The following NPAS3 variants were observed in gnomAD, a reference collection of about 807,000 sequenced individuals.
The protein encoded by NPAS3 is neuronal PAS domain-containing protein 3.
A neutral mutation model predicts 73.1 loss-of-function variants in NPAS3; 14 were observed. That is an observed-to-expected ratio of 0.19 (90% CI 0.13 to 0.30). NPAS3 has a LOEUF of 0.30. Ranked by LOEUF, NPAS3 falls within the 10% of genes least tolerant of loss-of-function variation. The probability of loss-of-function intolerance (pLI) is 1.00; values close to 1 mark genes in which losing one functional copy is unlikely to be tolerated. For synonymous variants in NPAS3, 620 were observed against 541.5 expected (o/e 1.14, Z -2.01); for missense variants, 1,096 against 1,250.0 (o/e 0.88, Z 1.86).
At chr14:33,123,084 CATTTT>C (rs1258938824) in intron 2 of NPAS3, among the ~76,000 whole-genome samples, 3 of 147,038 alleles carry the variant, frequency 2.0e-5, no homozygotes, top group East Asian at 2.0e-4. Context: ...TTTTAAACAA[CATTTT>C]ATTTTATTTA....
At chr14:32,939,410 CCCGCCG>C in intron 1 of NPAS3, 44 bp downstream of exon 1, 1 of 592,268 alleles carries the variant, frequency 1.7e-6, no homozygotes, top group Non-Finnish European at 3.0e-6. Flanking sequence ...GGCCGCTGCT[CCCGCCG>C]CCGCCGCCTC....
intron 2 of NPAS3, among the ~76,000 whole-genome samples, chr14:33,110,630 T>C (rs1238936954): frequency 2.0e-5 from 3 of 152,188 alleles, no homozygotes; most frequent in Non-Finnish European, 4.4e-5. Context: ...TTACTTTGCA[T>C]CATTAAAAAA....
At chr14:32,945,476 T>C (rs2036212440) in intron 1 of NPAS3, among the ~76,000 whole-genome samples, 1 of 152,196 alleles carries the variant, frequency 6.6e-6, no homozygotes, top group African/African-American at 2.4e-5. Flanking sequence ...GAAGTGCTAA[T>C]ATCCCCATTT....
intron 1 of NPAS3, among the ~76,000 whole-genome samples, chr14:32,982,314 C>A (rs954504571): frequency 1.3e-5 from 2 of 152,202 alleles, no homozygotes; most frequent in Non-Finnish European, 2.9e-5. Flanking sequence ...TTAGGCCCCA[C>A]CTCCCAACAC....
At chr14:33,270,616 A>G (rs1389748902) in intron 3 of NPAS3, among the ~76,000 whole-genome samples, 2 of 152,202 alleles carry the variant, frequency 1.3e-5, no homozygotes, top group African/African-American at 4.8e-5. Flanking sequence ...TTTAGAATTC[A>G]CCAGAAGAGG....
intron 2 of NPAS3, among the ~76,000 whole-genome samples, chr14:33,129,021 A>C (rs527896088): frequency 6.6e-6 from 1 of 152,014 alleles, no homozygotes; most frequent in East Asian, 1.9e-4. Flanking sequence ...TTTCCACAGG[A>C]TTTTTTTCCA....
At chr14:32,983,489 T>C (rs2037979723) in intron 1 of NPAS3, among the ~76,000 whole-genome samples, 1 of 152,142 alleles carries the variant, frequency 6.6e-6, no homozygotes, top group Non-Finnish European at 1.5e-5. Context: ...TTTCCACTCA[T>C]TTTTGTTCCT....
intron 2 of NPAS3, among the ~76,000 whole-genome samples, chr14:33,120,883 C>CTT (rs1274032676): frequency 6.6e-6 from 1 of 152,062 alleles, no homozygotes; most frequent in African/African-American, 2.4e-5. Context: ...CGCCTTAGCA[C>CTT]TATTTTCATT....
intron 2 of NPAS3, among the ~76,000 whole-genome samples, chr14:33,057,981 C>T (rs954440536): frequency 2.6e-5 from 4 of 152,080 alleles, no homozygotes; most frequent in Admixed American, 2.0e-4. Flanking sequence ...TTTTATCTTC[C>T]TATTTTCTCC....
intron 7 of NPAS3, among the ~76,000 whole-genome samples, chr14:33,749,843 T>G (rs560770473): frequency 1.3e-5 from 2 of 152,308 alleles, no homozygotes; most frequent in African/African-American, 4.8e-5. Context: ...CACAGAGTGC[T>G]GACAGATTGC....
At chr14:33,499,208 T>C (rs189242676) in intron 4 of NPAS3, among the ~76,000 whole-genome samples, 6 of 152,002 alleles carry the variant, frequency 3.9e-5, no homozygotes, top group Admixed American at 3.3e-4. Flanking sequence ...TCAGGCTTGA[T>C]TCCTTTCCAG....
chr14:33,259,283 G>A lies in NPAS3; in HGVS notation c.385+43857G>A, dbSNP rs142962533. Among the ~76,000 whole-genome samples the A allele has an allele frequency of 5.1e-3, 775 of 152,024 alleles. 10 individuals are homozygous for A. The highest frequency in any genetic ancestry group is 0.018 in the African/African-American group (743 of 41,472). On this transcript the variant is annotated intron_variant, in intron 3 of 11. Coordinates refer to ENST00000356141, the Ensembl canonical transcript of NPAS3. ...CAGCTATGATTTTTTATCTCCTTCC[G>A]TCCATTTTATTTTTTTTTCTCTGTA...
chr14:33,093,132 A>T (rs929738862), intron 2 of NPAS3, among the ~76,000 whole-genome samples: 3 of 152,208 alleles, frequency 2.0e-5, no homozygotes, highest in African/African-American at 7.2e-5. Context: ...ATCTAATTAA[A>T]CTAAAGAGCT....
At chr14:33,174,671 A>G (rs1001575865) in intron 2 of NPAS3, among the ~76,000 whole-genome samples, 4 of 152,142 alleles carry the variant, frequency 2.6e-5, no homozygotes, top group Admixed American at 2.0e-4. Flanking sequence ...TAATCTCCAC[A>G]CCTGATCTTT....
At chr14:33,033,233 C>G (rs2040055161) in intron 1 of NPAS3, among the ~76,000 whole-genome samples, 1 of 152,074 alleles carries the variant, frequency 6.6e-6, no homozygotes, top group Admixed American at 6.6e-5. Context: ...TATCCCAGAA[C>G]TTTGGAAGGC....
At chr14:33,050,511 A>T (rs1471894116) in intron 1 of NPAS3, among the ~76,000 whole-genome samples, 1 of 152,160 alleles carries the variant, frequency 6.6e-6, no homozygotes, top group Non-Finnish European at 1.5e-5. Flanking sequence ...TCTTATCTGC[A>T]TACCTTCTAA....
intron 7 of NPAS3, among the ~76,000 whole-genome samples, chr14:33,773,684 C>T (rs1412616997): frequency 1.3e-5 from 2 of 152,182 alleles, no homozygotes. Context: ...TTCAAGTCTT[C>T]CTGACCCTAC....
chr14:33,068,735 A>G (rs953723082), intron 2 of NPAS3, among the ~76,000 whole-genome samples: 3 of 152,218 alleles, frequency 2.0e-5, no homozygotes, highest in Non-Finnish European at 4.4e-5. Flanking sequence ...GAAAGATGAC[A>G]TTTGAGCAAT....
chr14:33,105,050 C>G (rs1595457474), intron 2 of NPAS3, among the ~76,000 whole-genome samples: 1 of 152,112 alleles, frequency 6.6e-6, no homozygotes, highest in East Asian at 1.9e-4. Context: ...AAAGCATCTA[C>G]TATATCTTGG....
Sources: allele counts gnomAD v4.1 joint callset (sites outside exome capture counted in the v4.1 genomes callset), GRCh38; gene constraint gnomAD v4.1.1; transcripts MANE v1.5; gene names NCBI Gene and HGNC (gene_info 2026-07-23, HGNC 2026-07-21).